The following TNS4 variants were observed in gnomAD, a reference collection of about 807,000 sequenced individuals.
TNS4 encodes the protein tensin-4.
TNS4 carries 46 observed loss-of-function variants against 70.4 expected under a neutral mutation model. The observed-to-expected ratio is 0.65, with a 90% CI of 0.52 to 0.84. The LOEUF (loss-of-function observed/expected upper bound fraction) is 0.84, where lower values mean the gene tolerates loss of function less well. Ranked by LOEUF, TNS4 falls within the 40% of genes least tolerant of loss-of-function variation. The probability of loss-of-function intolerance (pLI) is 0.00; values close to 1 mark genes in which losing one functional copy is unlikely to be tolerated. For missense variants in TNS4, 863 were observed against 907.0 expected (o/e 0.95, Z 0.62); for synonymous variants, 390 against 366.6 (o/e 1.06, Z -0.73).
Position 40,496,367 on chromosome 17 carries a change from G to A in TNS4, c.59C>T (p.Pro20Leu). 6.2e-7 allele frequency: 1 copy of A among 1,613,454 alleles called. No homozygotes were observed. Residue 20 changes from proline to leucine, a missense_variant, in exon 2 of 13, where the codon CCT becomes CTT. Transcript: ENST00000254051. The stretch of plus-strand genomic sequence containing the variant: ...CAGGGTCCTCCTGGGCTCATCACAA[G>A]GCGCCAAGCTGACAGCATGGCCTCC... ...LAGGHAVSLAPCDEPRRTLHP... is the reference protein window; with the variant it reads ...LAGGHAVSLALCDEPRRTLHP...
In TNS4 at chr17:40,496,476, C is replaced by G. The variant is rs1222676082; in HGVS notation, c.-51G>C. 6 of 1,551,810 alleles carry G rather than the reference C, an allele frequency of 3.9e-6. No homozygotes were observed. The highest frequency in any genetic ancestry group is 5.2e-6 in the Non-Finnish European group (6 of 1,150,826). On this transcript the variant is annotated 5_prime_UTR_variant, in exon 2 of 13. Coordinates refer to ENST00000254051, the MANE Select transcript of TNS4 (RefSeq NM_032865.6). ...TACCTCTGGTCTTCAACCAGCCTCA[C>G]TGACATCCCAGAGATCTCACTTGCT... is the stretch of plus-strand genomic sequence containing the variant.
At chr17:40,500,287 C>T (rs1597703795) in intron 1 of TNS4, among the ~76,000 whole-genome samples, 1 of 152,248 alleles carries the variant, frequency 6.6e-6, no homozygotes, top group Non-Finnish European at 1.5e-5. Flanking sequence ...AGCCCCTACG[C>T]TCCTCTTCAG....
intron 4 of TNS4, among the ~76,000 whole-genome samples, chr17:40,486,103 C>T (rs1198571526): frequency 6.6e-6 from 1 of 152,180 alleles, no homozygotes; most frequent in Non-Finnish European, 1.5e-5. Context: ...GGACTCTGCT[C>T]ATGGGAGAGG....
chr17:40,478,116 C>A, intron 12 of TNS4, 191 bp downstream of exon 12: 1 of 711,820 alleles, frequency 1.4e-6, no homozygotes, highest in Non-Finnish European at 2.4e-6. Flanking sequence ...GGCTCCCAGG[C>A]TCATGTCACC....
chr17:40,477,793 G>C (rs989818092), intron 12 of TNS4, 64 bp from the exon 13 acceptor site: 8 of 1,489,292 alleles, frequency 5.4e-6, no homozygotes, highest in Non-Finnish European at 7.4e-6. Context: ...TGGTGGGAAT[G>C]GGGTGGTGGG....
intron 2 of TNS4, among the ~76,000 whole-genome samples, chr17:40,490,040 C>T (rs1479132983): frequency 6.6e-6 from 1 of 152,212 alleles, no homozygotes; most frequent in Non-Finnish European, 1.5e-5. Flanking sequence ...ACATAATCTG[C>T]ATTTTAGCGA....
At position 40,482,199 on chromosome 17, in the gene TNS4, G is replaced by A; in HGVS notation, c.1602C>T (p.Leu534=). Residue 534 remains leucine (L), a synonymous_variant, in exon 8 of 13, where the codon CTC becomes CTT. Coordinates refer to ENST00000254051, the MANE Select transcript of TNS4 (RefSeq NM_032865.6). ...GADEEPYFGS[L]SAFVCQHSIM... ...TGGAATGCTGGCACACGAAGGCAGA[G>A]AGGCTCCCTGAAAGGAAGCAAGCAG... 6.2e-7 allele frequency: 1 copy of A among 1,614,224 alleles called. No homozygotes were observed. The highest frequency in any genetic ancestry group is 1.3e-5 in the African/African-American group (1 of 75,056).
chr17:40,486,668 T>C (rs554743520), intron 4 of TNS4, among the ~76,000 whole-genome samples: 1 of 152,232 alleles, frequency 6.6e-6, no homozygotes, highest in African/African-American at 2.4e-5. Flanking sequence ...TTCATGACTG[T>C]GGACCCCCTG....
At chr17:40,477,989 C>T (rs2035871061) in intron 12 of TNS4, 4 of 599,926 alleles carry the variant, frequency 6.7e-6, no homozygotes, top group African/African-American at 1.9e-5. Flanking sequence ...CCTGTGCATT[C>T]CCCATTAGAG....
chr17:40,487,422 T>G lies in TNS4; in HGVS notation c.902A>C (p.Gln301Pro), dbSNP rs768181256. The stretch of plus-strand genomic sequence containing the variant: ...ACTTTCCAAGGATCTGGAAGATGAC[T>G]GATGGCTGGAGTTGCTGGAGTGCAG... The part of the protein sequence containing the change: ...SLLHSSNSSH[Q>P]SSSRSLESPA... The change falls in exon 4 of 13, where the codon CAG becomes CCG. Residue 301 changes from glutamine (Q) to proline (P), a missense_variant. Transcript: ENST00000254051. 10 of 1,612,702 alleles carry G rather than the reference T, an allele frequency of 6.2e-6. No homozygotes were observed. Among genetic ancestry groups the G allele is most frequent in the South Asian group, 3.3e-5 (3 of 91,016 alleles).
intron 10 of TNS4, among the ~76,000 whole-genome samples, chr17:40,479,211 G>A (rs1458012010): frequency 6.6e-6 from 1 of 152,116 alleles, no homozygotes; most frequent in East Asian, 1.9e-4. Context: ...GCAATGGCGT[G>A]CTCTCAGCTC....
chr17:40,488,519 T>A (rs1160156599), intron 3 of TNS4, 27 bp downstream of exon 3: 1 of 1,491,588 alleles, frequency 6.7e-7, no homozygotes. Context: ...TGTGTGTGTG[T>A]GCAATGTTAG....
intron 2 of TNS4, among the ~76,000 whole-genome samples, chr17:40,494,215 G>A (rs1042028791): frequency 2.0e-5 from 3 of 152,258 alleles, no homozygotes; most frequent in South Asian, 2.1e-4. Flanking sequence ...GGCATATGGT[G>A]TGCCAGGATT....
At chr17:40,485,360 A>G (rs2035978079) in intron 4 of TNS4, among the ~76,000 whole-genome samples, 1 of 152,278 alleles carries the variant, frequency 6.6e-6, no homozygotes, top group South Asian at 2.1e-4. Flanking sequence ...TCTCAAATGC[A>G]TCATGTTTGA....
Position 40,486,996 on chromosome 17 carries a change from C to T in TNS4, c.1288+40G>A, listed in dbSNP as rs747923179. On this transcript the variant is annotated intron_variant, in intron 4 of 12. Coordinates refer to ENST00000254051, the MANE Select transcript of TNS4 (RefSeq NM_032865.6). ...AACCCACTGGCACTTTGTCTATTCCCCAAATCTTACATTGCTTCAAATATT... is the reference window on the plus strand; with the variant it reads ...AACCCACTGGCACTTTGTCTATTCCTCAAATCTTACATTGCTTCAAATATT... The T allele has an allele frequency of 3.1e-6, 5 of 1,599,076 alleles. No homozygotes were observed. In the African/African-American group the frequency reaches 5.4e-5, roughly 17 times the overall value.
intron 2 of TNS4, 70 bp downstream of exon 2, chr17:40,495,917 A>G: frequency 6.6e-7 from 1 of 1,513,792 alleles, no homozygotes; most frequent in Non-Finnish European, 8.9e-7. Context: ...CTCTGTACAT[A>G]GGAAAATCCT....
Position 40,496,294 on chromosome 17 carries a change from G to A in TNS4, c.132C>T (p.Thr44=), listed in dbSNP as rs764311037. The A allele has an allele frequency of 8.1e-6, 13 of 1,612,608 alleles. No individual in the cohort carries two copies. In the Admixed American group the frequency reaches 2.2e-4, roughly 27 times the overall value. ...GGGCCTGGGCTCCCCAGCCTTCCGT[G>A]GTGTAGTAAGAACACTGGGGTGGCA... ...PSLPPQCSYY[T]TEGWGAQALM... Residue 44 remains threonine, a synonymous_variant, in exon 2 of 13, where the codon ACC becomes ACT. Transcript: ENST00000254051.
chr17:40,493,176 A>G (rs1352572982), intron 2 of TNS4, among the ~76,000 whole-genome samples: 4 of 152,122 alleles, frequency 2.6e-5, no homozygotes, highest in Non-Finnish European at 4.4e-5. Context: ...CAAAAAAAAT[A>G]TGTATATATA....
At chr17:40,488,461 C>T (rs1016169146) in intron 3 of TNS4, 85 bp downstream of exon 3, 1 of 1,337,348 alleles carries the variant, frequency 7.5e-7, no homozygotes. Context: ...TCAGACAGAG[C>T]AGGGTCCCTT....
Sources: gnomAD v4.1 joint callset for allele counts (sites outside exome capture counted in the v4.1 genomes callset) on GRCh38, gnomAD v4.1.1 for gene constraint, MANE v1.5 for transcripts, NCBI Gene and HGNC (gene_info 2026-07-23, HGNC 2026-07-21) for gene names.